MIS18A: variants seen among roughly 807,000 people sequenced by gnomAD.
MIS18A encodes the protein MIS18 kinetochore protein A, also known as protein Mis18-alpha.
Under a neutral mutation model 25.0 loss-of-function variants are expected in MIS18A, and 14 were observed. That is an observed-to-expected ratio of 0.56 (90% CI 0.37 to 0.88). MIS18A has a LOEUF of 0.88. Among genes scored for constraint, MIS18A ranks in the 40% least tolerant of loss-of-function variants. The pLI, the probability that MIS18A is intolerant of heterozygous loss-of-function variation, is 0.00. For synonymous variants in MIS18A, 134 were observed against 118.6 expected (o/e 1.13, Z -0.84); for missense variants, 292 against 290.8 (o/e 1.00, Z -0.03).
At chr21:32,210,735 C>G in the MIS18A span, among the ~76,000 whole-genome samples, 1 of 152,106 alleles carries the variant, frequency 6.6e-6, no homozygotes, top group Admixed American at 6.5e-5. Context: ...TAGTGTAACC[C>G]ACTCATTGTT....
At chr21:32,220,247 G>T in the MIS18A span, among the ~76,000 whole-genome samples, 3 of 152,194 alleles carry the variant, frequency 2.0e-5, no homozygotes, top group African/African-American at 7.2e-5. Flanking sequence ...CATCTGGAGG[G>T]TGTCCCTCTG....
the MIS18A span, among the ~76,000 whole-genome samples, chr21:32,229,516 GT>G: frequency 3.9e-5 from 6 of 152,332 alleles, no homozygotes; most frequent in African/African-American, 1.4e-4. Context: ...AGTAAGACCA[GT>G]TGCAACAAGA....
chr21:32,202,115 G>A, the MIS18A span, among the ~76,000 whole-genome samples: 6 of 151,798 alleles, frequency 4.0e-5, no homozygotes, highest in Non-Finnish European at 5.9e-5. Flanking sequence ...ATGGCGAGAC[G>A]TTGTCTCTAC....
the MIS18A span, among the ~76,000 whole-genome samples, chr21:32,202,621 A>G: frequency 6.6e-6 from 1 of 152,202 alleles, no homozygotes; most frequent in Admixed American, 6.5e-5. Flanking sequence ...TGTACTGATT[A>G]AACAATAATT....
chr21:32,248,468 C>A, the MIS18A span, among the ~76,000 whole-genome samples: 1 of 152,114 alleles, frequency 6.6e-6, no homozygotes, highest in East Asian at 1.9e-4. Context: ...GGTAGGTGCT[C>A]AATAAAAGCT....
At chr21:32,267,871 G>A (rs148922911), downstream of MIS18A, among the ~76,000 whole-genome samples, 395 of 152,252 alleles carry the variant, frequency 2.6e-3, no homozygotes, top group Non-Finnish European at 4.5e-3. Flanking sequence ...GAGAGAGAAC[G>A]CCTAAAGGAC....
chr21:32,275,785 C>A (rs1456095002), intron 1 of MIS18A, among the ~76,000 whole-genome samples: 1 of 152,030 alleles, frequency 6.6e-6, no homozygotes, highest in African/African-American at 2.4e-5. Flanking sequence ...CCTCATCCTG[C>A]TCCCCTGTAT....
chr21:32,185,122 C>T, the MIS18A span, among the ~76,000 whole-genome samples: 1 of 152,078 alleles, frequency 6.6e-6, no homozygotes, highest in Admixed American at 6.6e-5. Flanking sequence ...TTCACATAGC[C>T]CCCATTTAAC....
the MIS18A span, among the ~76,000 whole-genome samples, chr21:32,210,537 A>G: frequency 3.3e-5 from 5 of 152,142 alleles, no homozygotes; most frequent in Admixed American, 1.3e-4. Flanking sequence ...GGATCAGTGT[A>G]TTTTAATGTG....
At chr21:32,187,041 C>T in the MIS18A span, among the ~76,000 whole-genome samples, 4 of 152,026 alleles carry the variant, frequency 2.6e-5, 1 homozygote, top group African/African-American at 9.7e-5. Flanking sequence ...GCAGGTCCTG[C>T]GAAGGGGACA....
chr21:32,266,177 A>G (rs2031595870), downstream of MIS18A, among the ~76,000 whole-genome samples: 1 of 152,090 alleles, frequency 6.6e-6, no homozygotes, highest in African/African-American at 2.4e-5. Flanking sequence ...TGCACCAATC[A>G]ACACTCTATC....
the MIS18A span, among the ~76,000 whole-genome samples, chr21:32,185,541 G>A: frequency 1.3e-5 from 2 of 152,154 alleles, no homozygotes; most frequent in African/African-American, 4.8e-5. Flanking sequence ...TAATAAAAGT[G>A]ATCATGGTTT....
the MIS18A span, among the ~76,000 whole-genome samples, chr21:32,212,028 C>T: frequency 0.37 from 56,084 of 151,928 alleles, 10,524 homozygotes; most frequent in South Asian, 0.45. Flanking sequence ...TTTGGTATGA[C>T]AGAAAGTCTA....
the MIS18A span, among the ~76,000 whole-genome samples, chr21:32,254,120 A>G: frequency 6.6e-6 from 1 of 152,170 alleles, no homozygotes. Context: ...AGTCCCAGTT[A>G]CTTGGGAGGC....
intron 1 of MIS18A, among the ~76,000 whole-genome samples, chr21:32,275,509 C>G (rs757870460): frequency 3.9e-5 from 6 of 152,164 alleles, no homozygotes; most frequent in Non-Finnish European, 8.8e-5. Flanking sequence ...AGCCACACAT[C>G]TTTTACTTGA....
At chr21:32,161,788 G>C in the MIS18A span, among the ~76,000 whole-genome samples, 6 of 150,590 alleles carry the variant, frequency 4.0e-5, no homozygotes, top group Non-Finnish European at 8.8e-5. Flanking sequence ...CACTGCACCT[G>C]GCCGGAAGTT....
the MIS18A span, among the ~76,000 whole-genome samples, chr21:32,185,847 C>G: frequency 2.8e-4 from 42 of 152,298 alleles, no homozygotes; most frequent in Admixed American, 9.8e-4. Flanking sequence ...CTAGACTCAT[C>G]ACTTGGCAAC....
At chr21:32,228,395 C>T in the MIS18A span, among the ~76,000 whole-genome samples, 4 of 152,166 alleles carry the variant, frequency 2.6e-5, no homozygotes, top group Non-Finnish European at 5.9e-5. Flanking sequence ...CTATTAATAT[C>T]GCCTTTAATA....
chr21:32,222,951 A>AG, the MIS18A span, among the ~76,000 whole-genome samples: 1,809 of 144,522 alleles, frequency 0.013, 34 homozygotes, highest in African/African-American at 0.043. Flanking sequence ...AAAAAAAAAA[A>AG]AAAGAAAGAA....
Sources: gnomAD v4.1 joint callset for allele counts (sites outside exome capture counted in the v4.1 genomes callset) on GRCh38, gnomAD v4.1.1 for gene constraint, MANE v1.5 for transcripts, NCBI Gene and HGNC (gene_info 2026-07-23, HGNC 2026-07-21) for gene names.